NCAPD3: variants seen among roughly 807,000 people sequenced by gnomAD.
The protein encoded by NCAPD3 is condensin-2 complex subunit D3.
In NCAPD3, 105 loss-of-function variants were observed where a neutral mutation model predicts 182.9. That is an observed-to-expected ratio of 0.57 (90% CI 0.49 to 0.68). The LOEUF is 0.68. Among genes scored for constraint, NCAPD3 ranks in the 30% least tolerant of loss-of-function variants. The pLI, the probability that NCAPD3 is intolerant of heterozygous loss-of-function variation, is 0.00. For missense variants in NCAPD3, 1,944 were observed against 1,837.0 expected, an observed-to-expected ratio of 1.06 and a Z score of -1.07; for synonymous variants, 815 against 679.9, an observed-to-expected ratio of 1.20 and a Z score of -3.09.
chr11:134,187,762 A>C (rs1157369055), intron 16 of NCAPD3, among the ~76,000 whole-genome samples: 1 of 152,182 alleles, frequency 6.6e-6, no homozygotes, highest in Non-Finnish European at 1.5e-5. Flanking sequence ...TAAAATTGTG[A>C]CTTGCTTTTG....
At chr11:134,178,569 GCTTA>G (rs1591838174) in intron 22 of NCAPD3, 61 bp downstream of exon 22, 3 of 1,264,166 alleles carry the variant, frequency 2.4e-6, no homozygotes, top group Admixed American at 2.3e-5. Context: ...CCATGGCTGG[GCTTA>G]CTTAAGACAA....
intron 16 of NCAPD3, among the ~76,000 whole-genome samples, chr11:134,192,151 T>A (rs1233936347): frequency 1.3e-5 from 2 of 152,228 alleles, no homozygotes; most frequent in East Asian, 3.8e-4. Context: ...TTGCCAAGGC[T>A]GCAGAATGGT....
In NCAPD3 at chr11:134,202,868, T is replaced by G. The variant is rs759951527; in HGVS notation, c.1563A>C (p.Glu521Asp). ...TGTCTATGTTGATCTCCCCTGAGGG[T>G]TCGGAACGGTTAGATGTCTGCCTTT... ...SYQRQTSNRS[E>D]PSGEINIDSS... The change falls in exon 13 of 35, where the codon GAA becomes GAC. Residue 521 changes from glutamate to aspartate, a missense_variant. Coordinates refer to ENST00000534548, the MANE Select transcript of NCAPD3 (RefSeq NM_015261.3). The G allele has an allele frequency of 3.1e-6, 5 of 1,608,058 alleles. No individual in the cohort carries two copies. The Admixed American group carries it at 8.6e-5, about 28-fold the overall frequency.
intron 24 of NCAPD3, among the ~76,000 whole-genome samples, chr11:134,169,283 C>T (rs142272678): frequency 6.6e-6 from 1 of 152,214 alleles, no homozygotes; most frequent in Non-Finnish European, 1.5e-5. Flanking sequence ...ATTTTTTCCA[C>T]CAGGTTTCCT....
At chr11:134,154,933 T>G (rs1168784775) in intron 32 of NCAPD3, among the ~76,000 whole-genome samples, 3 of 152,120 alleles carry the variant, frequency 2.0e-5, no homozygotes, top group African/African-American at 7.2e-5. Flanking sequence ...TTCGGTGAAG[T>G]CTCTCCTTGT....
chr11:134,181,029 C>T (rs750124104), intron 20 of NCAPD3, 48 bp downstream of exon 20: 16 of 1,397,104 alleles, frequency 1.1e-5, no homozygotes, highest in Middle Eastern at 1.8e-4. Context: ...TAGAACCTCA[C>T]GGATAAAATG....
intron 3 of NCAPD3, among the ~76,000 whole-genome samples, chr11:134,210,841 G>A (rs1197254342): frequency 6.6e-6 from 1 of 152,228 alleles, no homozygotes; most frequent in African/African-American, 2.4e-5. Flanking sequence ...GGAATTTCTG[G>A]ACAACGGCAG....
rs1944773236 is a variant in NCAPD3, at chr11:134,202,673, G to C, written c.1615+143C>G. On this transcript the variant is annotated intron_variant, in intron 13 of 34. Transcript: ENST00000534548. ...TGGGATTATGGGATTACAGGCATGAGTCACCACGCCCAGCCAGCTGTTTCA... is the reference window on the plus strand; with the variant it reads ...TGGGATTATGGGATTACAGGCATGACTCACCACGCCCAGCCAGCTGTTTCA... The C allele has an allele frequency of 6.9e-6, 4 of 578,466 alleles. No homozygotes were observed. The South Asian group carries it at 1.2e-4, about 17-fold the overall frequency. The allele number at this position is 578,466 out of a possible 1,614,324, so 35.8% of individuals were successfully genotyped here. A position where few individuals can be genotyped will look rare whatever the true frequency, so the allele number is the denominator to read the frequency against.
Position 134,178,715 on chromosome 11 carries a change from C to A in NCAPD3, c.2701G>T (p.Ala901Ser), listed in dbSNP as rs770594287. The change falls in exon 22 of 35, where the codon GCC becomes TCC. Residue 901 changes from alanine to serine, a missense_variant. Ala to Ser is a moderately conservative substitution (Grantham distance 99). Around this residue, in one of 3 missense-constraint regions of NCAPD3, gnomAD observed 1,803 missense variants for 1,674.6 expected, o/e 1.08. Coordinates refer to ENST00000534548, the MANE Select transcript of NCAPD3 (RefSeq NM_015261.3). The part of the protein sequence containing the change: ...HSPSSQGSSE[A>S]PASQPPPQVR... ...TGGGGGGGTGGCTGAGACGCTGGGG[C>A]CTCACTGCTGCCTTGAGATGATGGT... 4 of 1,605,436 alleles carry A rather than the reference C, an allele frequency of 2.5e-6. No homozygotes were observed. The highest frequency in any genetic ancestry group is 3.4e-6 in the Non-Finnish European group (4 of 1,174,528).
In NCAPD3 at chr11:134,160,771, C is replaced by T. The variant is rs375662243; in HGVS notation, c.3685-697G>A. ...GGAAGTCTCAACAAAGAGAAGGAAT[C>T]CATGCACTTTTCCAGCTGCCACTAG... On this transcript the variant is annotated intron_variant, in intron 28 of 34. Transcript: ENST00000534548. Among the ~76,000 whole-genome samples, 170 of 152,228 alleles carry T rather than the reference C, an allele frequency of 1.1e-3. 3 individuals carry two copies. The South Asian group carries it at 0.034, about 30-fold the overall frequency.
rs1937776479 is a variant in NCAPD3 at position 134,210,140 on chromosome 11, T to C, written c.567+130A>G. 7.2e-6 allele frequency: 5 copies of C among 698,146 alleles called. No homozygotes were observed. In the East Asian group the frequency reaches 1.0e-4, roughly 14 times the overall value. The allele number at this position is 698,146 out of a possible 1,614,324, so 43.2% of individuals were successfully genotyped here. The stretch of plus-strand genomic sequence containing the variant: ...GCCGAAGACACAAAGCAGTATTGGA[T>C]AGCTTATGATGGTTTAGGACCATTT... On this transcript the variant is annotated intron_variant, in intron 4 of 34. Transcript: ENST00000534548.
chr11:134,184,977 G>A lies in NCAPD3; in HGVS notation c.2261C>T (p.Thr754Ile), dbSNP rs147103021. The A allele has an allele frequency of 3.1e-6, 5 of 1,613,520 alleles. No individual in the cohort carries two copies. The highest frequency in any genetic ancestry group is 4.2e-6 in the Non-Finnish European group (5 of 1,179,610). The part of the protein sequence containing the change: ...ISSQQNPNSN[T>I]LGHILCVIGH... ...AATCACACAGAGAATATGTCCTAAG[G>A]TGTTTGAATTGGGATTCTGCTGACT... Residue 754 changes from threonine to isoleucine, a missense_variant, in exon 18 of 35, where the codon ACC becomes ATC. Thr to Ile is a moderately conservative substitution (Grantham distance 89). Around this residue, in one of 3 missense-constraint regions of NCAPD3, gnomAD observed 1,803 missense variants for 1,674.6 expected, o/e 1.08. Coordinates refer to ENST00000534548, the MANE Select transcript of NCAPD3 (RefSeq NM_015261.3).
intron 16 of NCAPD3, chr11:134,186,240 AGGCT>A (rs1944403258): frequency 6.6e-6 from 1 of 152,248 alleles, no homozygotes; most frequent in African/African-American, 2.4e-5. Flanking sequence ...TCTGTCACCC[AGGCT>A]GGATCACAGT....
chr11:134,150,141 C>T lies in NCAPD3; in HGVS notation c.*2803G>A, dbSNP rs1943171415. On this transcript the variant is annotated 3_prime_UTR_variant, in exon 35 of 35. Transcript: ENST00000534548. ...TCTCATGGAAGTTTACTGTGATGTT[C>T]CTTTTCTCACACAAGTTTTAGCCTT... The T allele has an allele frequency of 1.3e-5, 2 of 153,668 alleles. No homozygotes were observed. Among genetic ancestry groups the T allele is most frequent in the South Asian group, 4.1e-4 (2 of 4,910 alleles). 9.5% of individuals were successfully genotyped at this position (153,668 alleles called of 1,614,324 possible).
intron 26 of NCAPD3, 89 bp from the exon 27 acceptor site, chr11:134,168,284 C>G: frequency 6.9e-7 from 1 of 1,451,462 alleles, no homozygotes; most frequent in Non-Finnish European, 9.6e-7. Context: ...GGGGGGCCAT[C>G]TGAGGCTGTC....
chr11:134,155,574 C>A (rs1370981996), intron 32 of NCAPD3, among the ~76,000 whole-genome samples: 1 of 152,222 alleles, frequency 6.6e-6, no homozygotes, highest in Non-Finnish European at 1.5e-5. Context: ...CGGCATGAAC[C>A]CTCCACGCCA....
chr11:134,174,738 T>C (rs1176226577), intron 24 of NCAPD3, among the ~76,000 whole-genome samples: 1 of 152,204 alleles, frequency 6.6e-6, no homozygotes, highest in Non-Finnish European at 1.5e-5. Flanking sequence ...ATTTTGAAAG[T>C]TCCTGACACA....
chr11:134,224,456 C>G (rs1316612677), upstream of NCAPD3: 2 of 159,648 alleles, frequency 1.3e-5, no homozygotes, highest in South Asian at 2.9e-4. Flanking sequence ...AACTGCAGTT[C>G]TGTAGGGACT....
At chr11:134,217,415 CAT>C (rs1938067597) in intron 2 of NCAPD3, among the ~76,000 whole-genome samples, 1 of 152,012 alleles carries the variant, frequency 6.6e-6, no homozygotes, top group Admixed American at 6.6e-5. Flanking sequence ...TTTGGGACAC[CAT>C]ATATTAGTGA....
Sources: allele counts gnomAD v4.1 joint callset (sites outside exome capture counted in the v4.1 genomes callset), GRCh38; gene constraint gnomAD v4.1.1; regional missense constraint gnomAD v4.1.1; transcripts MANE v1.5; gene names NCBI Gene and HGNC (gene_info 2026-07-23, HGNC 2026-07-21).